The following AK5 variants were observed in gnomAD, a reference collection of about 807,000 sequenced individuals.
AK5 encodes the protein adenylate kinase 5.
Under a neutral mutation model 69.5 loss-of-function variants are expected in AK5, and 27 were observed. The observed-to-expected ratio is 0.39, with a 90% CI of 0.29 to 0.54. The LOEUF is 0.54. Ranked by LOEUF, AK5 falls within the 20% of genes least tolerant of loss-of-function variation. AK5 has a pLI of 0.71. For missense variants in AK5, 531 were observed against 700.4 expected (o/e 0.76, Z 2.73); for synonymous variants, 260 against 244.4 (o/e 1.06, Z -0.60).
At chr1:77,440,237 G>T (rs1388806126) in intron 8 of AK5, among the ~76,000 whole-genome samples, 1 of 152,114 alleles carries the variant, frequency 6.6e-6, no homozygotes, top group Non-Finnish European at 1.5e-5. Flanking sequence ...CTGAAGGGTA[G>T]TTTTGTTGGA....
chr1:77,429,136 C>T (rs947115010), intron 8 of AK5, among the ~76,000 whole-genome samples: 1 of 152,150 alleles, frequency 6.6e-6, no homozygotes, highest in African/African-American at 2.4e-5. Flanking sequence ...ATGGCTGGGT[C>T]AAATGGTATT....
intron 8 of AK5, among the ~76,000 whole-genome samples, chr1:77,465,715 T>C (rs1318849355): frequency 6.6e-6 from 1 of 152,350 alleles, no homozygotes; most frequent in East Asian, 1.9e-4. Context: ...GTTCTAGCAC[T>C]GGATGTGACC....
chr1:77,341,712 G>A (rs140367840), intron 6 of AK5, among the ~76,000 whole-genome samples: 11 of 152,224 alleles, frequency 7.2e-5, no homozygotes, highest in East Asian at 3.9e-4. Context: ...AATATTTAAC[G>A]TGATTTGCTC....
intron 10 of AK5, among the ~76,000 whole-genome samples, chr1:77,496,865 A>T (rs1400296485): frequency 6.6e-6 from 1 of 152,202 alleles, no homozygotes; most frequent in East Asian, 1.9e-4. Flanking sequence ...AAAATGGACC[A>T]ATCAGCACTC....
chr1:77,391,419 ATGTATATATATACATATATACATATATG>A (rs1233387099), intron 6 of AK5, among the ~76,000 whole-genome samples: 4 of 127,552 alleles, frequency 3.1e-5, no homozygotes, highest in Admixed American at 1.7e-4. Context: ...ACACATATAT[ATGTATATATATACATATATACATATATG>A]TGTGTGTATA....
At chr1:77,364,220 A>G (rs913040761) in intron 6 of AK5, among the ~76,000 whole-genome samples, 4 of 152,210 alleles carry the variant, frequency 2.6e-5, no homozygotes, top group Non-Finnish European at 4.4e-5. Context: ...ATCTTAACAC[A>G]TTATACTTTT....
chr1:77,558,230 A>G (rs953427978), intron 13 of AK5, among the ~76,000 whole-genome samples: 1 of 152,162 alleles, frequency 6.6e-6, no homozygotes, highest in Non-Finnish European at 1.5e-5. Flanking sequence ...AAGAAGTGCA[A>G]TTGCTAAAAA....
intron 13 of AK5, among the ~76,000 whole-genome samples, chr1:77,538,149 G>A (rs1351172581): frequency 6.6e-6 from 1 of 152,062 alleles, no homozygotes; most frequent in Non-Finnish European, 1.5e-5. Context: ...GACCAGCCTA[G>A]GCAACATTTC....
chr1:77,309,745 T>G (rs1659840844), intron 5 of AK5, among the ~76,000 whole-genome samples: 1 of 152,162 alleles, frequency 6.6e-6, no homozygotes, highest in East Asian at 1.9e-4. Flanking sequence ...ATGTGTTTTT[T>G]GGCCACTTGT....
intron 6 of AK5, among the ~76,000 whole-genome samples, chr1:77,357,884 A>G (rs1257336664): frequency 6.6e-6 from 1 of 152,148 alleles, no homozygotes; most frequent in Non-Finnish European, 1.5e-5. Flanking sequence ...GCAGCTTTCA[A>G]GTTTCTATCA....
At chr1:77,418,445 C>A (rs10873939) in intron 8 of AK5, among the ~76,000 whole-genome samples, 97,842 of 152,060 alleles carry the variant, frequency 0.64, 32,281 homozygotes, top group Non-Finnish European at 0.73. Context: ...CAGAGCCAAA[C>A]CATATCACTA....
At chr1:77,450,847 A>T (rs1653099354) in intron 8 of AK5, among the ~76,000 whole-genome samples, 1 of 152,186 alleles carries the variant, frequency 6.6e-6, no homozygotes, top group African/African-American at 2.4e-5. Flanking sequence ...TGATTTCCTT[A>T]TTTTGTTAAA....
intron 8 of AK5, among the ~76,000 whole-genome samples, chr1:77,468,942 G>A (rs138593649): frequency 4.9e-4 from 74 of 152,300 alleles, no homozygotes; most frequent in African/African-American, 1.8e-3. Context: ...CCTGGTAGCT[G>A]TCTTCTGCAT....
chr1:77,509,041 A>G (rs1246281839), intron 10 of AK5, among the ~76,000 whole-genome samples: 1 of 152,212 alleles, frequency 6.6e-6, no homozygotes, highest in Non-Finnish European at 1.5e-5. Context: ...CCAAAGAGGC[A>G]AAGTGACTCT....
chr1:77,388,092 A>C (rs1648147750), intron 6 of AK5, among the ~76,000 whole-genome samples: 2 of 152,348 alleles, frequency 1.3e-5, no homozygotes, highest in Middle Eastern at 6.8e-3. Context: ...CCATATTAAC[A>C]ATCATATTGT....
chr1:77,287,369 T>C (rs1434502189), intron 2 of AK5, among the ~76,000 whole-genome samples: 1 of 152,246 alleles, frequency 6.6e-6, no homozygotes, highest in African/African-American at 2.4e-5. Context: ...ACTGACTTTA[T>C]TATTTTGCAA....
At chr1:77,308,870 G>A (rs1343864432) in intron 5 of AK5, among the ~76,000 whole-genome samples, 1 of 151,370 alleles carries the variant, frequency 6.6e-6, no homozygotes, top group Non-Finnish European at 1.5e-5. Context: ...TCGGAAGGCT[G>A]AGGTGGGAAA....
At chr1:77,355,887 A>T (rs1039707959) in intron 6 of AK5, among the ~76,000 whole-genome samples, 1 of 151,610 alleles carries the variant, frequency 6.6e-6, no homozygotes, top group African/African-American at 2.4e-5. Context: ...ACACACACAC[A>T]CACACACACA....
intron 10 of AK5, among the ~76,000 whole-genome samples, chr1:77,516,748 G>C (rs769462828): frequency 6.6e-6 from 1 of 151,840 alleles, no homozygotes; most frequent in Non-Finnish European, 1.5e-5. Flanking sequence ...GTGTTAGTTG[G>C]ACATGACAGT....
Sources: allele counts gnomAD v4.1 joint callset (sites outside exome capture counted in the v4.1 genomes callset), GRCh38; gene constraint gnomAD v4.1.1; transcripts MANE v1.5; gene names NCBI Gene and HGNC (gene_info 2026-07-23, HGNC 2026-07-21).